Variants in PPP1R9A observed in about 807,000 individuals in gnomAD.
The protein encoded by PPP1R9A is protein phosphatase 1 regulatory subunit 9A.
In PPP1R9A, 59 loss-of-function variants were observed where a neutral mutation model predicts 141.9. That is an observed-to-expected ratio of 0.42 (90% CI 0.34 to 0.52). PPP1R9A has a LOEUF of 0.52. PPP1R9A is among the 20% of genes least tolerant of loss of function. The probability of loss-of-function intolerance (pLI) is 0.10; values close to 1 mark genes in which losing one functional copy is unlikely to be tolerated. For missense variants in PPP1R9A, 1,444 were observed against 1,611.9 expected (o/e 0.90, Z 1.78); for synonymous variants, 500 against 569.7 (o/e 0.88, Z 1.74).
intron 2 of PPP1R9A, among the ~76,000 whole-genome samples, chr7:95,064,046 A>G (rs774892314): frequency 2.6e-5 from 4 of 152,150 alleles, no homozygotes; most frequent in Non-Finnish European, 4.4e-5. Flanking sequence ...TTAACTCTGT[A>G]CATTCAGAAG....
intron 2 of PPP1R9A, among the ~76,000 whole-genome samples, chr7:94,937,028 T>G (rs965000573): frequency 2.0e-5 from 3 of 152,168 alleles, no homozygotes; most frequent in Non-Finnish European, 2.9e-5. Context: ...TCCATGTCCA[T>G]GTATTAGCAT....
At chr7:95,118,985 CA>C (rs11353708) in intron 3 of PPP1R9A, among the ~76,000 whole-genome samples, 63,387 of 129,282 alleles carry the variant, frequency 0.49, 13,304 homozygotes, top group Middle Eastern at 0.56. Context: ...TTGTCTCAAA[CA>C]AAAAAAAAAA....
chr7:94,959,467 GTT>G (rs1244938970), intron 2 of PPP1R9A, among the ~76,000 whole-genome samples: 1 of 151,460 alleles, frequency 6.6e-6, no homozygotes, highest in Non-Finnish European at 1.5e-5. Flanking sequence ...ACATTTAAGG[GTT>G]TTTGAATGAT....
At chr7:95,006,787 G>C (rs1419340083) in intron 2 of PPP1R9A, among the ~76,000 whole-genome samples, 6 of 152,052 alleles carry the variant, frequency 3.9e-5, no homozygotes, top group Non-Finnish European at 1.5e-5. Flanking sequence ...TTTGCTAATA[G>C]CCTGTTGAGC....
In PPP1R9A at chr7:95,284,311, T is replaced by C. The variant is rs771417856; in HGVS notation, c.3590T>C (p.Val1197Ala). 2 of 1,518,474 alleles carry C rather than the reference T, an allele frequency of 1.3e-6. No individual in the cohort carries two copies. Among genetic ancestry groups the C allele is most frequent in the South Asian group, 1.2e-5 (1 of 85,412 alleles). 94.1% of individuals were successfully genotyped at this position (1,518,474 alleles called of 1,614,324 possible). ...FGRHSQLMSV[V>A]WIQETNNFTF... Reference sequence around the variant, plus strand: ...AGGCATTCTCAACTTATGTCTGTAGTCTGGATCCAAGAAACCAATGTAATA... The same window carrying C: ...AGGCATTCTCAACTTATGTCTGTAGCCTGGATCCAAGAAACCAATGTAATA... The change falls in exon 17 of 20, where the codon GTC becomes GCC. Residue 1197 changes from valine (V) to alanine (A), a missense_variant. Physicochemically the swap from Val to Ala is moderately conservative, Grantham distance 64 (BLOSUM62 0). Around this residue, in one of 5 missense-constraint regions of PPP1R9A, gnomAD observed 459 missense variants for 513.8 expected, o/e 0.89. Transcript: ENST00000433360.
intron 2 of PPP1R9A, among the ~76,000 whole-genome samples, chr7:94,946,644 A>T (rs747953736): frequency 6.6e-6 from 1 of 152,196 alleles, no homozygotes; most frequent in Non-Finnish European, 1.5e-5. Context: ...TAGCCTGTGT[A>T]TATTGACTGT....
chr7:94,954,091 T>C (rs751281679), intron 2 of PPP1R9A, among the ~76,000 whole-genome samples: 1 of 152,158 alleles, frequency 6.6e-6, no homozygotes, highest in African/African-American at 2.4e-5. Context: ...ATATTGGCTG[T>C]GGGTTTTTTC....
intron 2 of PPP1R9A, among the ~76,000 whole-genome samples, chr7:94,998,753 A>G (rs1334686808): frequency 6.6e-6 from 1 of 152,116 alleles, no homozygotes. Flanking sequence ...AGATGGCTAC[A>G]TACTTCTTGG....
chr7:95,020,613 C>T (rs1388014083), intron 2 of PPP1R9A, among the ~76,000 whole-genome samples: 1 of 152,098 alleles, frequency 6.6e-6, no homozygotes, highest in African/African-American at 2.4e-5. Context: ...CCTCCCCTAG[C>T]CACCAGCCCC....
In PPP1R9A at chr7:95,278,245, C is replaced by T. The variant is rs1803557640; in HGVS notation, c.3296+4077C>T. 2.6e-5 allele frequency among the ~76,000 whole-genome samples: 4 copies of T among 152,160 alleles called. No individual in the cohort carries two copies. In the Middle Eastern group the frequency reaches 0.01, roughly 388 times the overall value. On this transcript the variant is annotated intron_variant, in intron 16 of 19. Transcript: ENST00000433360. The stretch of plus-strand genomic sequence containing the variant: ...CTGCGTACACTGTCCAGTATGGTTG[C>T]CTCTAGTCAGATAAGGCTAGTCTAT...
intron 2 of PPP1R9A, among the ~76,000 whole-genome samples, chr7:94,920,671 A>C (rs1456847645): frequency 6.6e-6 from 1 of 152,134 alleles, no homozygotes; most frequent in African/African-American, 2.4e-5. Context: ...TAATCTTCCA[A>C]GTTGTTTTCC....
At chr7:95,157,912 A>T (rs1252013675) in intron 4 of PPP1R9A, among the ~76,000 whole-genome samples, 2 of 152,218 alleles carry the variant, frequency 1.3e-5, no homozygotes, top group Non-Finnish European at 2.9e-5. Context: ...GGAATCTTTA[A>T]AATCAATATG....
intron 1 of PPP1R9A, among the ~76,000 whole-genome samples, chr7:94,909,261 T>G (rs1791180617): frequency 6.6e-6 from 1 of 152,240 alleles, no homozygotes; most frequent in African/African-American, 2.4e-5. Context: ...GTTAGGAAAC[T>G]TCCAAATACT....
intron 2 of PPP1R9A, among the ~76,000 whole-genome samples, chr7:94,965,987 T>C (rs867890201): frequency 6.6e-6 from 1 of 152,214 alleles, no homozygotes; most frequent in East Asian, 1.9e-4. Flanking sequence ...GTGTCCTCTC[T>C]TATTTCCTTG....
chr7:95,279,963 A>G (rs1370306138), intron 16 of PPP1R9A, among the ~76,000 whole-genome samples: 2 of 152,208 alleles, frequency 1.3e-5, no homozygotes, highest in Non-Finnish European at 2.9e-5. Flanking sequence ...TAGTTTCACC[A>G]TCTCGAATGA....
chr7:95,181,669 A>AAT (rs1213760480), intron 5 of PPP1R9A, among the ~76,000 whole-genome samples: 6 of 129,938 alleles, frequency 4.6e-5, no homozygotes, highest in Admixed American at 8.6e-5. Context: ...ATATATATAG[A>AAT]ATATATATAT....
chr7:94,919,901 AC>A (rs1304167372), intron 2 of PPP1R9A, among the ~76,000 whole-genome samples: 1 of 151,922 alleles, frequency 6.6e-6, no homozygotes, highest in African/African-American at 2.4e-5. Flanking sequence ...TGAATTTCTT[AC>A]CTGTAATTGA....
At chr7:94,983,100 T>C (rs1056540348) in intron 2 of PPP1R9A, among the ~76,000 whole-genome samples, 1 of 152,172 alleles carries the variant, frequency 6.6e-6, no homozygotes, top group Non-Finnish European at 1.5e-5. Context: ...AATTCCTCAT[T>C]GCTTGTTTTT....
chr7:95,066,637 T>TA (rs1475680487), intron 2 of PPP1R9A, among the ~76,000 whole-genome samples: 1 of 152,092 alleles, frequency 6.6e-6, no homozygotes, highest in African/African-American at 2.4e-5. Context: ...TTTTTGAAGA[T>TA]AAAGTTAGGA....
Sources: gnomAD v4.1 joint callset for allele counts (sites outside exome capture counted in the v4.1 genomes callset) on GRCh38, gnomAD v4.1.1 for gene constraint, gnomAD v4.1.1 regional missense constraint, MANE v1.5 for transcripts, NCBI Gene and HGNC (gene_info 2026-07-23, HGNC 2026-07-21) for gene names.